The following SLC43A2 variants were observed in gnomAD, a reference collection of about 807,000 sequenced individuals.
SLC43A2 encodes the protein large neutral amino acids transporter small subunit 4.
A neutral mutation model predicts 63.2 loss-of-function variants in SLC43A2; 38 were observed. The observed-to-expected ratio is 0.60, with a 90% CI of 0.46 to 0.79. The LOEUF is 0.79. Ranked by LOEUF, SLC43A2 falls within the 30% of genes least tolerant of loss-of-function variation. The pLI is 0.00. For missense variants in SLC43A2, 644 were observed against 756.2 expected, an observed-to-expected ratio of 0.85 and a Z score of 1.74; for synonymous variants, 322 against 331.0, an observed-to-expected ratio of 0.97 and a Z score of 0.30.
rs374775373 is a variant in SLC43A2, at chr17:1,574,711, C to T, written c.*893G>A. 3.9e-5 allele frequency: 6 copies of T among 152,330 alleles called. No individual in the cohort carries two copies. Among genetic ancestry groups the T allele is most frequent in the East Asian group, 1.9e-4 (1 of 5,180 alleles). 9.4% of individuals were successfully genotyped at this position (152,330 alleles called of 1,614,324 possible). A position where few individuals can be genotyped will look rare whatever the true frequency, so the allele number is the denominator to read the frequency against. On this transcript the variant is annotated 3_prime_UTR_variant, in exon 14 of 14. Transcript: ENST00000301335. ...GCCCAGCTGCAGGCCTGGCGGCTCCCGCCTGGTCAGTGGGGATAAGGGCTA... is the reference window on the plus strand; with the variant it reads ...GCCCAGCTGCAGGCCTGGCGGCTCCTGCCTGGTCAGTGGGGATAAGGGCTA...
At chr17:1,610,005 G>A (rs1906954556) in intron 5 of SLC43A2, among the ~76,000 whole-genome samples, 1 of 151,930 alleles carries the variant, frequency 6.6e-6, no homozygotes, top group Admixed American at 6.6e-5. Flanking sequence ...CGCCACCCAG[G>A]TTCAAGCGAT....
chr17:1,611,140 G>A (rs776831335), intron 5 of SLC43A2, among the ~76,000 whole-genome samples: 1 of 147,470 alleles, frequency 6.8e-6, no homozygotes. Flanking sequence ...CACCGCACCC[G>A]GCCTAAAGTC....
At position 1,597,902 on chromosome 17, in the gene SLC43A2, G is replaced by A. The variant is rs118034035; in HGVS notation, c.502-4623C>T. On this transcript the variant is annotated intron_variant, in intron 5 of 13. Transcript: ENST00000301335. ...CTCACACGTGCCCAGGCACGCCCAG[G>A]TGAGCAATCTTACTCTCTGGGTACC... Among the ~76,000 whole-genome samples, 1,287 of 152,356 alleles carry A rather than the reference G, an allele frequency of 8.4e-3. 16 individuals carry two copies. Among genetic ancestry groups the A allele is most frequent in the Middle Eastern group, 0.021 (6 of 292 alleles).
chr17:1,621,979 G>A (rs992699225), intron 2 of SLC43A2, among the ~76,000 whole-genome samples: 5 of 152,200 alleles, frequency 3.3e-5, no homozygotes, highest in Admixed American at 6.5e-5. Flanking sequence ...ACTCTCCCAC[G>A]AGGTCCCTGA....
At chr17:1,614,774 T>G (rs1458353023) in intron 4 of SLC43A2, among the ~76,000 whole-genome samples, 2 of 152,120 alleles carry the variant, frequency 1.3e-5, no homozygotes, top group African/African-American at 4.8e-5. Context: ...GCTCATACCC[T>G]GGAAGCTCCT....
chr17:1,587,683 G>T (rs563112080), intron 9 of SLC43A2, among the ~76,000 whole-genome samples: 5,303 of 152,258 alleles, frequency 0.035, 214 homozygotes, highest in African/African-American at 0.093. Flanking sequence ...TCCAGGCCTC[G>T]TTTTTCAGGT....
Position 1,597,929 on chromosome 17 carries a change from G to C in SLC43A2, c.502-4650C>G, listed in dbSNP as rs139748367. ...GAGCAATCTTACTCTCTGGGTACCT[G>C]CCTCCCAGGTAGGTTGCAGTTCAAA... On this transcript the variant is annotated intron_variant, in intron 5 of 13. Transcript: ENST00000301335. Among the ~76,000 whole-genome samples, 498 of 152,370 alleles carry C rather than the reference G, an allele frequency of 3.3e-3. 6 individuals are homozygous for C. The highest frequency in any genetic ancestry group is 0.012 in the African/African-American group (482 of 41,576).
rs1209103759 is a variant in SLC43A2, at chr17:1,627,732, T to C, written c.143A>G (p.Tyr48Cys). ...TGTCTCACCTGGCTCGGTACACAGG[T>C]AGGAGTAAAAGCCCTCTGACTTGAG... ...IMLKSEGFYS[Y>C]LCTEPENVTN... The change falls in exon 2 of 14, where the codon TAC becomes TGC. Residue 48 changes from tyrosine (Y) to cysteine (C), a missense_variant. Transcript: ENST00000301335. The C allele has an allele frequency of 7.1e-7, 1 of 1,407,630 alleles. No individual in the cohort carries two copies. Among genetic ancestry groups the C allele is most frequent in the Non-Finnish European group, 9.4e-7 (1 of 1,059,208 alleles). 87.2% of individuals were successfully genotyped at this position (1,407,630 alleles called of 1,614,324 possible).
At chr17:1,581,395 G>C (rs2076011397) in intron 11 of SLC43A2, among the ~76,000 whole-genome samples, 1 of 152,250 alleles carries the variant, frequency 6.6e-6, no homozygotes, top group East Asian at 1.9e-4. Context: ...CAGCCCAGGA[G>C]GCCAGGGAGG....
intron 2 of SLC43A2, among the ~76,000 whole-genome samples, chr17:1,619,013 A>G (rs1907923637): frequency 6.6e-6 from 1 of 151,454 alleles, no homozygotes; most frequent in East Asian, 1.9e-4. Flanking sequence ...ACAAACAAAC[A>G]AACAGAATCA....
At chr17:1,587,062 G>T in intron 9 of SLC43A2, 2 of 1,236,496 alleles carry the variant, frequency 1.6e-6, no homozygotes, top group Non-Finnish European at 2.3e-6. Context: ...CTCACTCCAT[G>T]CCCAGCACGC....
chr17:1,606,423 T>C lies in SLC43A2; in HGVS notation c.501+6772A>G, dbSNP rs745501160. ...TCAAAAGGGAAAATCCACAGAGAAA[T>C]GTCTCATCGGGGAGCCTGGCAACAT... On this transcript the variant is annotated intron_variant, in intron 5 of 13. Transcript: ENST00000301335. The surrounding 1 kb of genome is among the most constrained non-coding windows in gnomAD (Gnocchi z 4.7). Among the ~76,000 whole-genome samples, 12 of 152,090 alleles carry C rather than the reference T, an allele frequency of 7.9e-5. No homozygotes were observed. Among genetic ancestry groups the C allele is most frequent in the Non-Finnish European group, 1.6e-4 (11 of 68,008 alleles).
At chr17:1,629,290 C>G (rs1275532190), upstream of SLC43A2, among the ~76,000 whole-genome samples, 1 of 152,078 alleles carries the variant, frequency 6.6e-6, no homozygotes, top group Non-Finnish European at 1.5e-5. Flanking sequence ...GCGCCGGCTC[C>G]GCACGGTGGT....
Position 1,605,135 on chromosome 17 carries a change from C to T in SLC43A2, c.501+8060G>A, listed in dbSNP as rs1464662474. ...CCTCAGGTGCTTCCCACAGCCCCCT[C>T]GCCGCCTCTGCCTCCGTGCGGGTCA... On this transcript the variant is annotated intron_variant, in intron 5 of 13. Coordinates refer to ENST00000301335, the MANE Select transcript of SLC43A2 (RefSeq NM_152346.3). This position sits in a 1 kb window ranked among gnomAD's most constrained non-coding sequence, Gnocchi z 4.9. The T allele has an allele frequency of 2.9e-5, 37 of 1,282,358 alleles. No individual in the cohort carries two copies. In the Admixed American group the frequency reaches 8.6e-4, roughly 30 times the overall value. 79.4% of individuals were successfully genotyped at this position (1,282,358 alleles called of 1,614,324 possible).
At chr17:1,602,098 C>T (rs1204621145) in intron 5 of SLC43A2, among the ~76,000 whole-genome samples, 1 of 152,208 alleles carries the variant, frequency 6.6e-6, no homozygotes, top group Non-Finnish European at 1.5e-5. Context: ...GTGCGCCGCC[C>T]TCCTGAAGGT....
intron 9 of SLC43A2, among the ~76,000 whole-genome samples, chr17:1,588,736 G>T (rs1370031856): frequency 6.7e-6 from 1 of 149,992 alleles, no homozygotes; most frequent in Non-Finnish European, 1.5e-5. Flanking sequence ...CCTTTTCCCA[G>T]CTGCCAGCAC....
In SLC43A2 at chr17:1,571,995, TGGA is replaced by T. The variant is rs2075852806; in HGVS notation, c.*3606_*3608del. The T allele has an allele frequency of 6.7e-6, 1 of 150,266 alleles. No individual in the cohort carries two copies. The highest frequency in any genetic ancestry group is 2.0e-4 in the East Asian group (1 of 4,930). The allele number at this position is 150,266 out of a possible 1,614,324, so 9.3% of individuals were successfully genotyped here. ...CTTCCTGCTCCTTCCCGCCAGAGCC[TGGA>T]GGATGAGGGGCAGACGGGAGGCCCG... On this transcript the variant is annotated 3_prime_UTR_variant, in exon 14 of 14. Coordinates refer to ENST00000301335, the MANE Select transcript of SLC43A2 (RefSeq NM_152346.3). The surrounding 1 kb of genome is among the most constrained non-coding windows in gnomAD (Gnocchi z 5.2).
intron 2 of SLC43A2, among the ~76,000 whole-genome samples, chr17:1,621,215 G>C (rs1908122600): frequency 6.6e-6 from 1 of 152,140 alleles, no homozygotes; most frequent in Non-Finnish European, 1.5e-5. Context: ...TGGCCCCCCA[G>C]GCTCCCCTGA....
chr17:1,591,735 G>GCC, intron 6 of SLC43A2, 36 bp from the exon 7 acceptor site: 1 of 652,928 alleles, frequency 1.5e-6, no homozygotes. Flanking sequence ...GGGGGGGGGA[G>GCC]GGGGCAGAGT....
Sources: gnomAD v4.1 joint callset for allele counts (sites outside exome capture counted in the v4.1 genomes callset) on GRCh38, gnomAD v4.1.1 for gene constraint, Gnocchi (gnomAD v3.1) non-coding constraint, MANE v1.5 for transcripts, NCBI Gene and HGNC (gene_info 2026-07-23, HGNC 2026-07-21) for gene names.